The following ANKRD18A variants were observed in gnomAD, a reference collection of about 807,000 sequenced individuals.
The protein encoded by ANKRD18A is ankyrin repeat domain 18A, also known as ankyrin repeat domain-containing protein 18A.
ANKRD18A carries 72 observed loss-of-function variants against 110.6 expected under a neutral mutation model. That is an observed-to-expected ratio of 0.65 (90% CI 0.54 to 0.79). The LOEUF is 0.79. ANKRD18A is among the 30% of genes least tolerant of loss of function. The pLI is 0.00. For missense variants in ANKRD18A, 934 were observed against 1,163.3 expected (o/e 0.80, Z 2.87); for synonymous variants, 305 against 410.3 (o/e 0.74, Z 3.10).
At position 38,571,582 on chromosome 9, in the gene ANKRD18A, G is replaced by C; in HGVS notation, c.*463C>G. The C allele has an allele frequency of 9.9e-7, 1 of 1,011,270 alleles. No individual in the cohort carries two copies. The highest frequency in any genetic ancestry group is 1.2e-6 in the Non-Finnish European group (1 of 846,576). 62.6% of individuals were successfully genotyped at this position (1,011,270 alleles called of 1,614,324 possible). A position where few individuals can be genotyped will look rare whatever the true frequency, so the allele number is the denominator to read the frequency against. ...CTACAAGAAGAAAACCGTAACACTA[G>C]TATGGACAAACCTGGCAGATACTCT... On this transcript the variant is annotated 3_prime_UTR_variant, in exon 16 of 16. Transcript: ENST00000399703.
intron 1 of ANKRD18A, among the ~76,000 whole-genome samples, chr9:38,619,367 A>G (rs10973935): frequency 0.035 from 5,320 of 152,258 alleles, 144 homozygotes; most frequent in Non-Finnish European, 0.055. Flanking sequence ...CCCTATGTAT[A>G]TATCTTACAT....
downstream of ANKRD18A, among the ~76,000 whole-genome samples, chr9:38,570,029 A>T (rs116540524): frequency 2.4e-3 from 371 of 152,274 alleles, 2 homozygotes; most frequent in African/African-American, 8.5e-3. Context: ...GAGGCTCCAC[A>T]GACAAACCCC....
At chr9:38,569,486 C>T (rs2890809), downstream of ANKRD18A, 257,279 of 978,794 alleles carry the variant, frequency 0.26, 34,366 homozygotes, top group East Asian at 0.44. Flanking sequence ...GAGACTGCTG[C>T]GTGTCTCTAA....
At chr9:38,580,954 C>T (rs665789) in intron 12 of ANKRD18A, among the ~76,000 whole-genome samples, 5 of 152,128 alleles carry the variant, frequency 3.3e-5, no homozygotes, top group South Asian at 2.1e-4. Flanking sequence ...CTGCCCCAGC[C>T]GAGGTTCCAG....
chr9:38,599,208 C>T (rs1825017042), intron 8 of ANKRD18A, among the ~76,000 whole-genome samples: 1 of 152,030 alleles, frequency 6.6e-6, no homozygotes, highest in African/African-American at 2.4e-5. Context: ...TTGGAGGGAC[C>T]CAGAGTATAA....
At chr9:38,619,238 C>G (rs147679278) in intron 1 of ANKRD18A, among the ~76,000 whole-genome samples, 1 of 152,102 alleles carries the variant, frequency 6.6e-6, no homozygotes, top group Non-Finnish European at 1.5e-5. Context: ...AAATTTCAGT[C>G]TGAATTCCAT....
chr9:38,596,307 T>G lies in ANKRD18A; in HGVS notation c.1033A>C (p.Lys345Gln). The stretch of plus-strand genomic sequence containing the variant: ...TTTTCCTTTCTGAGACTGTCATTTT[T>G]TATTGCATATAATTCCTCTTTGAGC... ...AMLKEELYAI[K>Q]NDSLRKEKKY... The change falls in exon 9 of 16, where the codon AAA becomes CAA. Residue 345 changes from lysine (K) to glutamine (Q), a missense_variant. Physicochemically the swap from Lys to Gln is moderately conservative, Grantham distance 53 (BLOSUM62 1). Transcript: ENST00000399703. 1 of 1,534,752 alleles carries G rather than the reference T, an allele frequency of 6.5e-7. No homozygotes were observed. The highest frequency in any genetic ancestry group is 2.5e-5 in the East Asian group (1 of 40,800).
chr9:38,616,705 C>G (rs938561667), intron 1 of ANKRD18A, among the ~76,000 whole-genome samples: 6 of 152,184 alleles, frequency 3.9e-5, no homozygotes, highest in Admixed American at 2.0e-4. Flanking sequence ...AACTTCCCAC[C>G]TCAGCCTTCC....
intron 7 of ANKRD18A, 34 bp from the exon 8 acceptor site, chr9:38,601,238 A>T (rs536774449): frequency 6.6e-7 from 1 of 1,518,492 alleles, no homozygotes; most frequent in East Asian, 2.5e-5. Flanking sequence ...AAAATGAATG[A>T]TTTAAAGACT....
chr9:38,614,203 G>A (rs1320272926), intron 3 of ANKRD18A, among the ~76,000 whole-genome samples: 7 of 133,752 alleles, frequency 5.2e-5, no homozygotes, highest in Non-Finnish European at 1.1e-4. Context: ...AATCAGGAGT[G>A]TATTCGAACA....
Position 38,614,052 on chromosome 9 carries a change from G to C in ANKRD18A, c.495+1542C>G, listed in dbSNP as rs535066138. On this transcript the variant is annotated intron_variant, in intron 3 of 15. Coordinates refer to ENST00000399703, the MANE Select transcript of ANKRD18A (RefSeq NM_147195.4). ...CTTCCCAGTCACAAATGTAGAGAAA[G>C]ACAGATAAGTCAGTTTAATGTTATT... Among the ~76,000 whole-genome samples, 10 of 152,248 alleles carry C rather than the reference G, an allele frequency of 6.6e-5. No individual in the cohort carries two copies. The East Asian group carries it at 1.9e-3, about 29-fold the overall frequency.
chr9:38,579,601 G>T (rs958702906), intron 12 of ANKRD18A, among the ~76,000 whole-genome samples: 1 of 152,024 alleles, frequency 6.6e-6, no homozygotes, highest in African/African-American at 2.4e-5. Flanking sequence ...AATCATCAGG[G>T]AAATACAAAT....
At chr9:38,574,843 C>A (rs866054640) in intron 15 of ANKRD18A, among the ~76,000 whole-genome samples, 1 of 152,060 alleles carries the variant, frequency 6.6e-6, no homozygotes, top group Non-Finnish European at 1.5e-5. Flanking sequence ...CCCCTGTAAT[C>A]CCAGCACTTT....
In ANKRD18A at chr9:38,620,359, C is replaced by T; in HGVS notation, c.-74G>A. ...TCCTCGTGGCCTTTCCACCCCCACT[C>T]CGCCCCAAATCCGCGATCTCCCCCG... On this transcript the variant is annotated 5_prime_UTR_variant, in exon 1 of 16. Transcript: ENST00000399703. The T allele has an allele frequency of 6.8e-7, 1 of 1,475,578 alleles. No individual in the cohort carries two copies. Among genetic ancestry groups the T allele is most frequent in the Non-Finnish European group, 9.0e-7 (1 of 1,105,672 alleles). 91.4% of individuals were successfully genotyped at this position (1,475,578 alleles called of 1,614,324 possible).
At chr9:38,591,772 T>C (rs544120881) in intron 10 of ANKRD18A, among the ~76,000 whole-genome samples, 2 of 152,250 alleles carry the variant, frequency 1.3e-5, no homozygotes, top group East Asian at 3.9e-4. Context: ...GTCACGTATG[T>C]ACTACAATGG....
At position 38,616,053 on chromosome 9, in the gene ANKRD18A, G is replaced by A; in HGVS notation, c.207-9C>T. On this transcript the variant is annotated splice_polypyrimidine_tract_variant and intron_variant, in intron 1 of 15. Transcript: ENST00000399703. ...CCAAATGTAGAACAGTCCTAGGAGA[G>A]CGAGAGGGGTTTTCAGGAAATGTAG... is the stretch of plus-strand genomic sequence containing the variant. The A allele has an allele frequency of 6.5e-7, 1 of 1,535,640 alleles. No individual in the cohort carries two copies.
chr9:38,617,055 A>G (rs1430420242), intron 1 of ANKRD18A, among the ~76,000 whole-genome samples: 3 of 152,242 alleles, frequency 2.0e-5, no homozygotes, highest in Non-Finnish European at 4.4e-5. Context: ...ATTGACACTT[A>G]AATACATTTT....
intron 14 of ANKRD18A, 83 bp from the exon 15 acceptor site, chr9:38,575,781 C>T: frequency 7.1e-7 from 1 of 1,409,560 alleles, no homozygotes; most frequent in Non-Finnish European, 9.5e-7. Flanking sequence ...TAAAAAGTTG[C>T]CCTGAGAGTA....
chr9:38,593,373 CA>C (rs1226312933), intron 10 of ANKRD18A, among the ~76,000 whole-genome samples: 1 of 152,162 alleles, frequency 6.6e-6, no homozygotes, highest in Non-Finnish European at 1.5e-5. Context: ...TGTCCATTCA[CA>C]AAAGTGAAGA....
Sources: gnomAD v4.1 joint callset for allele counts (sites outside exome capture counted in the v4.1 genomes callset) on GRCh38, gnomAD v4.1.1 for gene constraint, MANE v1.5 for transcripts, NCBI Gene and HGNC (gene_info 2026-07-23, HGNC 2026-07-21) for gene names.